The following KCND2 variants were observed in gnomAD, a reference collection of about 807,000 sequenced individuals.
KCND2 encodes potassium voltage-gated channel subfamily D member 2, also known as A-type voltage-gated potassium channel KCND2.
KCND2 carries 16 observed loss-of-function variants against 54.4 expected under a neutral mutation model. That is an observed-to-expected ratio of 0.29 (90% CI 0.20 to 0.45). The LOEUF (loss-of-function observed/expected upper bound fraction) is 0.45. Ranked by LOEUF, KCND2 falls within the 20% of genes least tolerant of loss-of-function variation. KCND2 has a pLI of 1.00. For missense variants in KCND2, 486 were observed against 824.2 expected (o/e 0.59, Z 5.02); for synonymous variants, 317 against 310.7 (o/e 1.02, Z -0.21).
Position 120,275,589 on chromosome 7 carries a change from T to C in KCND2, c.957T>C (p.Ser319=), listed in dbSNP as rs777724054. The change falls in exon 1 of 6, where the codon AGT becomes AGC. Residue 319 remains serine (S), a synonymous_variant. Transcript: ENST00000331113. ...GLRILGYTLK[S]CASELGFLLF... Reference sequence around the variant, plus strand: ...GCATCCTGGGGTACACACTGAAGAGTTGTGCCTCAGAATTGGGCTTCTTGC... The same window carrying C: ...GCATCCTGGGGTACACACTGAAGAGCTGTGCCTCAGAATTGGGCTTCTTGC... The C allele has an allele frequency of 5.0e-6, 8 of 1,613,196 alleles. No homozygotes were observed. In the East Asian group the frequency reaches 6.7e-5, roughly 13 times the overall value.
At chr7:120,637,746 T>C (rs1023574543) in intron 1 of KCND2, among the ~76,000 whole-genome samples, 2 of 152,126 alleles carry the variant, frequency 1.3e-5, no homozygotes, top group Non-Finnish European at 2.9e-5. Flanking sequence ...GTTCTTCACA[T>C]TTCTCAAGGT....
chr7:120,622,687 ACACT>A lies in KCND2; in HGVS notation c.1116-110214_1116-110211del, dbSNP rs1323616266. Among the ~76,000 whole-genome samples the A allele has an allele frequency of 6.1e-3, 878 of 143,218 alleles. 7 individuals carry two copies. Among genetic ancestry groups the A allele is most frequent in the African/African-American group, 0.021 (797 of 37,150 alleles). The allele number at this position is 143,218 out of a possible 152,430, so 94.0% of individuals were successfully genotyped here. A position where few individuals can be genotyped will look rare whatever the true frequency, so the allele number is the denominator to read the frequency against. ...CTTACACACACACACACACACACAC[ACACT>A]CTCTCTCTCTCTCTCTCTCTCTCTC... On this transcript the variant is annotated intron_variant, in intron 1 of 5. Coordinates refer to ENST00000331113, the MANE Select transcript of KCND2 (RefSeq NM_012281.3).
intron 1 of KCND2, among the ~76,000 whole-genome samples, chr7:120,456,794 C>T (rs1364021025): frequency 2.6e-5 from 4 of 152,212 alleles, no homozygotes; most frequent in Non-Finnish European, 5.9e-5. Flanking sequence ...TCTCACAGCT[C>T]CACTAGGCAG....
chr7:120,586,626 G>GCC (rs1192770843), intron 1 of KCND2, among the ~76,000 whole-genome samples: 2 of 152,074 alleles, frequency 1.3e-5, no homozygotes, highest in African/African-American at 2.4e-5. Context: ...TGTCAAATAA[G>GCC]CAAAGACACT....
At chr7:120,479,571 A>T (rs976411554) in intron 1 of KCND2, among the ~76,000 whole-genome samples, 1 of 151,754 alleles carries the variant, frequency 6.6e-6, no homozygotes, top group African/African-American at 2.4e-5. Flanking sequence ...TGGAAATAAA[A>T]TGGTGTTTTC....
chr7:120,642,215 T>G (rs559605386), intron 1 of KCND2, among the ~76,000 whole-genome samples: 1 of 152,130 alleles, frequency 6.6e-6, no homozygotes, highest in Non-Finnish European at 1.5e-5. Flanking sequence ...TGTATCCAGA[T>G]GTTTTTCATT....
intron 1 of KCND2, among the ~76,000 whole-genome samples, chr7:120,419,445 C>G (rs776087641): frequency 6.6e-6 from 1 of 152,138 alleles, no homozygotes; most frequent in Non-Finnish European, 1.5e-5. Context: ...CTCATTTGTA[C>G]TGGCAATGTG....
intron 1 of KCND2, among the ~76,000 whole-genome samples, chr7:120,355,434 C>T (rs1040036795): frequency 6.6e-6 from 1 of 152,056 alleles, no homozygotes; most frequent in African/African-American, 2.4e-5. Context: ...GTAGTCTCAG[C>T]CACTCTGGAG....
At chr7:120,400,431 G>C (rs1210674254) in intron 1 of KCND2, among the ~76,000 whole-genome samples, 1 of 152,118 alleles carries the variant, frequency 6.6e-6, no homozygotes, top group Admixed American at 6.6e-5. Context: ...CACCAGAACT[G>C]AAAGTAACAC....
At chr7:120,576,653 A>G (rs1429457175) in intron 1 of KCND2, among the ~76,000 whole-genome samples, 1 of 152,034 alleles carries the variant, frequency 6.6e-6, no homozygotes, top group Non-Finnish European at 1.5e-5. Context: ...TGAATGAAGG[A>G]TTTACTTCTA....
intron 1 of KCND2, among the ~76,000 whole-genome samples, chr7:120,507,365 T>G (rs1803040636): frequency 6.6e-6 from 1 of 151,890 alleles, no homozygotes; most frequent in Admixed American, 6.6e-5. Context: ...CACTACCTGT[T>G]CTCTTCTTCA....
At chr7:120,476,103 G>A (rs1802530103) in intron 1 of KCND2, among the ~76,000 whole-genome samples, 1 of 152,226 alleles carries the variant, frequency 6.6e-6, no homozygotes, top group Admixed American at 6.5e-5. Context: ...AGCTATGTAA[G>A]TGGTTGCATG....
At chr7:120,305,341 T>C (rs1452667385) in intron 1 of KCND2, among the ~76,000 whole-genome samples, 1 of 152,180 alleles carries the variant, frequency 6.6e-6, no homozygotes, top group African/African-American at 2.4e-5. Flanking sequence ...TATGACATTT[T>C]ATCTCACCTG....
At chr7:120,632,809 T>C (rs1326732268) in intron 1 of KCND2, among the ~76,000 whole-genome samples, 1 of 152,176 alleles carries the variant, frequency 6.6e-6, no homozygotes, top group Non-Finnish European at 1.5e-5. Context: ...TCTTGCTCTG[T>C]TACCTTCAGA....
intron 1 of KCND2, among the ~76,000 whole-genome samples, chr7:120,402,773 G>C (rs1195143942): frequency 5.9e-5 from 9 of 152,112 alleles, no homozygotes; most frequent in Non-Finnish European, 1.3e-4. Context: ...TTTTGACATA[G>C]TTTGCTTACA....
At chr7:120,464,017 GTT>G (rs753537808) in intron 1 of KCND2, 939 of 778,700 alleles carry the variant, frequency 1.2e-3, no homozygotes, top group Middle Eastern at 2.0e-3. Context: ...TCTTAGTTTT[GTT>G]TTTTTTTTTT....
intron 1 of KCND2, among the ~76,000 whole-genome samples, chr7:120,658,033 G>A (rs1248790996): frequency 6.6e-6 from 1 of 152,130 alleles, no homozygotes; most frequent in Non-Finnish European, 1.5e-5. Context: ...ATTAAGAGAA[G>A]CTAATAAATT....
intron 1 of KCND2, among the ~76,000 whole-genome samples, chr7:120,612,974 G>T (rs1467365556): frequency 6.6e-6 from 1 of 151,974 alleles, no homozygotes; most frequent in Non-Finnish European, 1.5e-5. Flanking sequence ...CAAATGAACT[G>T]CTCATTATAG....
At chr7:120,330,354 TGAA>T (rs1447359050) in intron 1 of KCND2, among the ~76,000 whole-genome samples, 10 of 151,898 alleles carry the variant, frequency 6.6e-5, no homozygotes, top group Non-Finnish European at 1.2e-4. Context: ...CTGAAGCAGG[TGAA>T]TCACCTGAGG....
Sources: gnomAD v4.1 joint callset for allele counts (sites outside exome capture counted in the v4.1 genomes callset) on GRCh38, gnomAD v4.1.1 for gene constraint, MANE v1.5 for transcripts, NCBI Gene and HGNC (gene_info 2026-07-23, HGNC 2026-07-21) for gene names.